Variants in TTC7A observed in about 807,000 individuals in gnomAD.
TTC7A encodes tetratricopeptide repeat domain 7A.
Under a neutral mutation model 103.7 loss-of-function variants are expected in TTC7A, and 110 were observed. The ratio of observed to expected loss-of-function variants is 1.06; its 90% CI spans 0.91 to 1.24. The LOEUF is 1.24. Among genes scored for constraint, TTC7A ranks in the 50% most tolerant of loss-of-function variants. The probability of loss-of-function intolerance (pLI) is 0.00; values close to 1 mark genes in which losing one functional copy is unlikely to be tolerated. For missense variants in TTC7A, 1,340 were observed against 1,116.3 expected (o/e 1.20, Z -2.86); for synonymous variants, 521 against 467.9 (o/e 1.11, Z -1.47).
Position 47,036,664 on chromosome 2 carries a change from C to T in TTC7A, c.1802+7280C>T, listed in dbSNP as rs1045949071. Among the ~76,000 whole-genome samples, 14 of 152,226 alleles carry T rather than the reference C, an allele frequency of 9.2e-5. No individual in the cohort carries two copies. The East Asian group carries it at 2.7e-3, about 29-fold the overall frequency. On this transcript the variant is annotated intron_variant, in intron 15 of 19. Transcript: ENST00000319190. Reference sequence around the variant, plus strand: ...TCGAGGCTAGGAGTTTGAGAACAGCCCTGGTAACATAGCAAGACCTCGTCT... The same window carrying T: ...TCGAGGCTAGGAGTTTGAGAACAGCTCTGGTAACATAGCAAGACCTCGTCT...
chr2:46,927,339 T>C (rs974269290), intron 2 of TTC7A, among the ~76,000 whole-genome samples: 3 of 148,174 alleles, frequency 2.0e-5, no homozygotes, highest in African/African-American at 5.0e-5. Flanking sequence ...ATATTAAAGA[T>C]AGAGGAGAAA....
chr2:46,917,203 C>T, exon 2 of TTC7A: 2 of 701,080 alleles, frequency 2.9e-6, no homozygotes, highest in Non-Finnish European at 5.2e-6. Context: ...TCCATGGTGC[C>T]CAGCTCGTCT....
chr2:46,996,715 A>C (rs116117635), intron 8 of TTC7A, among the ~76,000 whole-genome samples: 1 of 152,238 alleles, frequency 6.6e-6, no homozygotes, highest in Non-Finnish European at 1.5e-5. Flanking sequence ...GGGAGGGGCC[A>C]TCTCGCTGGT....
chr2:46,985,322 C>A (rs1288048154), intron 5 of TTC7A, among the ~76,000 whole-genome samples: 1 of 152,128 alleles, frequency 6.6e-6, no homozygotes, highest in African/African-American at 2.4e-5. Flanking sequence ...AGGAAACAGC[C>A]CAAACATTTG....
intron 3 of TTC7A, among the ~76,000 whole-genome samples, chr2:46,959,864 T>C (rs1672219141): frequency 6.6e-6 from 1 of 152,084 alleles, no homozygotes; most frequent in South Asian, 2.1e-4. Flanking sequence ...TGCGTATTTG[T>C]GTATATAAGG....
At position 47,073,789 on chromosome 2, in the gene TTC7A, G is replaced by T. The variant is rs779096998; in HGVS notation, c.2443G>T (p.Ala815Ser). 41 of 1,613,628 alleles carry T rather than the reference G, an allele frequency of 2.5e-5. 1 individual carries two copies. The Middle Eastern group carries it at 1.5e-3, about 58-fold the overall frequency. The change falls in exon 20 of 20, where the codon GCG becomes TCG. Residue 815 changes from alanine (A) to serine (S), a missense_variant. Coordinates refer to ENST00000319190, the MANE Select transcript of TTC7A (RefSeq NM_020458.4). ...AVERQSTCHE[A>S]WQGLGEVLQA... is the part of the protein sequence containing the mutation. Reference sequence around the variant, plus strand: ...GGAGAGGCAGAGTACGTGCCACGAGGCGTGGCAGGGCCTGGGCGAGGTGCT... The same window carrying T: ...GGAGAGGCAGAGTACGTGCCACGAGTCGTGGCAGGGCCTGGGCGAGGTGCT...
intron 14 of TTC7A, among the ~76,000 whole-genome samples, chr2:47,024,612 G>T (rs1679681935): frequency 6.6e-6 from 1 of 152,102 alleles, no homozygotes; most frequent in South Asian, 2.1e-4. Context: ...CAACATTTCA[G>T]TGGACTGAGA....
intron 19 of TTC7A, among the ~76,000 whole-genome samples, chr2:47,071,489 G>C (rs1051433152): frequency 1.3e-5 from 2 of 152,198 alleles, no homozygotes; most frequent in Non-Finnish European, 2.9e-5. Context: ...CTGCCCCCGC[G>C]GTGATTTTTC....
At chr2:47,030,577 G>A (rs1471404329) in intron 15 of TTC7A, among the ~76,000 whole-genome samples, 4 of 152,184 alleles carry the variant, frequency 2.6e-5, no homozygotes, top group Non-Finnish European at 5.9e-5. Context: ...CCCATAATGT[G>A]CCTCCCTGAA....
chr2:47,011,115 G>A lies in TTC7A; in HGVS notation c.1288-216G>A, dbSNP rs17036060. On this transcript the variant is annotated intron_variant, in intron 10 of 19. Coordinates refer to ENST00000319190, the MANE Select transcript of TTC7A (RefSeq NM_020458.4). The stretch of plus-strand genomic sequence containing the variant: ...TGTCATCATGTTACCTAAAGAGCAA[G>A]GGTCACAGCCTCTAATCTTCAGATG... Among the ~76,000 whole-genome samples, 7,366 of 152,296 alleles carry A rather than the reference G, an allele frequency of 0.048. 269 individuals are homozygous for A. The highest frequency in any genetic ancestry group is 0.12 in the Admixed American group (1,794 of 15,290).
chr2:47,026,209 C>G (rs1679898003), intron 14 of TTC7A, among the ~76,000 whole-genome samples: 2 of 152,180 alleles, frequency 1.3e-5, no homozygotes, highest in South Asian at 4.1e-4. Flanking sequence ...CCCATCCTGC[C>G]AAGAGTACAT....
intron 15 of TTC7A, among the ~76,000 whole-genome samples, chr2:47,030,498 TG>T (rs1254595708): frequency 2.6e-5 from 4 of 152,206 alleles, no homozygotes; most frequent in Admixed American, 1.3e-4. Context: ...GCACTGCTGT[TG>T]ATGGCTTCCT....
rs888175012 is a variant in TTC7A at position 47,023,318 on chromosome 2, G to C, written c.1511-90G>C. The C allele has an allele frequency of 2.1e-6, 3 of 1,404,548 alleles. No homozygotes were observed. The African/African-American group carries it at 4.2e-5, about 20-fold the overall frequency. The allele number at this position is 1,404,548 out of a possible 1,614,324, so 87.0% of individuals were successfully genotyped here. A position where few individuals can be genotyped will look rare whatever the true frequency, so the allele number is the denominator to read the frequency against. On this transcript the variant is annotated intron_variant, in intron 12 of 19. Transcript: ENST00000319190. ...TGGGACCCTGGTGGGGCCTTTATCT[G>C]CAGAGCTGTGTGCTTTGAGGATGGT...
chr2:47,014,177 A>G (rs1485201453), intron 11 of TTC7A, among the ~76,000 whole-genome samples: 1 of 152,186 alleles, frequency 6.6e-6, no homozygotes, highest in Non-Finnish European at 1.5e-5. Flanking sequence ...TGACTTCCCA[A>G]CTAGGTGGGG....
At chr2:46,993,391 A>C in intron 5 of TTC7A, 59 bp from the exon 6 acceptor site, 1 of 1,539,184 alleles carries the variant, frequency 6.5e-7, no homozygotes. Context: ...GTGTGCTGAG[A>C]GCATCCTTCT....
In TTC7A at chr2:47,011,391, G is replaced by A. The variant is rs114276698; in HGVS notation, c.1348G>A (p.Val450Met). ...GAAGTTGCGGCCCTCGGACCCCACC[G>A]TGCCCCTGATGGCCGCGAAGGTCTG... ...CVKLRPSDPTVPLMAAKVCIG... is the reference protein window; with the variant it reads ...CVKLRPSDPTMPLMAAKVCIG... Residue 450 changes from valine to methionine, a missense_variant, in exon 11 of 20, where the codon GTG becomes ATG. Physicochemically the swap from Val to Met is conservative, Grantham distance 21. Transcript: ENST00000319190. 1.9e-3 allele frequency: 3,116 copies of A among 1,611,706 alleles called. 2 individuals are homozygous for A. Among genetic ancestry groups the A allele is most frequent in the Non-Finnish European group, 2.3e-3 (2,734 of 1,179,884 alleles).
chr2:47,020,617 G>C (rs1253002738), intron 11 of TTC7A, among the ~76,000 whole-genome samples: 1 of 152,240 alleles, frequency 6.6e-6, no homozygotes, highest in Non-Finnish European at 1.5e-5. Context: ...GCTGAGTCGG[G>C]CATGGTGGGC....
At position 46,941,578 on chromosome 2, in the gene TTC7A, G is replaced by A; in HGVS notation, c.37G>A (p.Val13Met). 6.4e-7 allele frequency: 1 copy of A among 1,557,734 alleles called. No homozygotes were observed. Among genetic ancestry groups the A allele is most frequent in the Admixed American group, 1.9e-5 (1 of 52,134 alleles). Residue 13 changes from valine (V) to methionine (M), a missense_variant, in exon 1 of 20, where the codon GTG becomes ATG. By Grantham distance (21) the Val-to-Met change is conservative. Transcript: ENST00000319190. The surrounding 1 kb of genome is among the most constrained non-coding windows in gnomAD (Gnocchi z 4.2). ...AKGAHGSYLK[V>M]ESELERCRAE... Reference sequence around the variant, plus strand: ...GGGCGCGCACGGCTCCTACCTGAAGGTGGAGAGCGAGCTGGAGCGCTGCCG... The same window carrying A: ...GGGCGCGCACGGCTCCTACCTGAAGATGGAGAGCGAGCTGGAGCGCTGCCG...
Position 47,041,521 on chromosome 2 carries a change from G to C in TTC7A, c.1803-4794G>C, listed in dbSNP as rs566042382. ...TAATCCCAGCACTTTGGGAGGCCAA[G>C]GTGGGTGGATCACCTGAGGTCAGGA... On this transcript the variant is annotated intron_variant, in intron 15 of 19. Transcript: ENST00000319190. Among the ~76,000 whole-genome samples, 27 of 152,348 alleles carry C rather than the reference G, an allele frequency of 1.8e-4. No individual in the cohort carries two copies. The South Asian group carries it at 5.2e-3, about 29-fold the overall frequency.
Sources: gnomAD v4.1 joint callset for allele counts (sites outside exome capture counted in the v4.1 genomes callset) on GRCh38, gnomAD v4.1.1 for gene constraint, Gnocchi (gnomAD v3.1) non-coding constraint, MANE v1.5 for transcripts, NCBI Gene and HGNC (gene_info 2026-07-23, HGNC 2026-07-21) for gene names.